Variants in DUSP4 observed in about 807,000 individuals in gnomAD.
The protein encoded by DUSP4 is dual specificity phosphatase 4, also known as dual specificity protein phosphatase 4.
DUSP4 carries 12 observed loss-of-function variants against 27.2 expected under a neutral mutation model. The ratio of observed to expected loss-of-function variants is 0.44; its 90% CI spans 0.28 to 0.71. DUSP4 has a LOEUF of 0.71. Among genes scored for constraint, DUSP4 ranks in the 30% least tolerant of loss-of-function variants. The pLI, the probability that DUSP4 is intolerant of heterozygous loss-of-function variation, is 0.14. For synonymous variants in DUSP4, 257 were observed against 245.2 expected, an observed-to-expected ratio of 1.05 and a Z score of -0.45; for missense variants, 448 against 551.3, an observed-to-expected ratio of 0.81 and a Z score of 1.88.
rs1223122428 is a variant in DUSP4, at chr8:29,334,983, A to G, written c.*2043T>C. On this transcript the variant is annotated 3_prime_UTR_variant, in exon 4 of 4. Coordinates refer to ENST00000240100, the MANE Select transcript of DUSP4 (RefSeq NM_001394.7). ...AAAGGTAACCAACCTTGTCCTGTCT[A>G]GGATGCCAGATGAGAAAGAGTATCC... 1.3e-5 allele frequency: 2 copies of G among 152,206 alleles called. No homozygotes were observed. The highest frequency in any genetic ancestry group is 2.9e-5 in the Non-Finnish European group (2 of 68,050). 9.4% of individuals were successfully genotyped at this position (152,206 alleles called of 1,614,324 possible).
At chr8:29,340,364 T>C (rs1292864868) in intron 1 of DUSP4, 121 bp from the exon 2 acceptor site, 11 of 1,302,042 alleles carry the variant, frequency 8.4e-6, no homozygotes, top group East Asian at 2.5e-5. Context: ...GTGCTCCATA[T>C]TGGCCACTAG....
At position 29,350,357 on chromosome 8, in the gene DUSP4, G is replaced by T; in HGVS notation, c.-79C>A. On this transcript the variant is annotated 5_prime_UTR_variant, in exon 1 of 4. Transcript: ENST00000240100. ...CCGCCTAGGCTGCAGAAAGGGGCGG[G>T]CGAGAGCTAAGAAGGGACGCCTGCA... is the stretch of plus-strand genomic sequence containing the variant. 6.8e-7 allele frequency: 1 copy of T among 1,468,988 alleles called. No homozygotes were observed. Among genetic ancestry groups the T allele is most frequent in the Non-Finnish European group, 9.0e-7 (1 of 1,113,300 alleles). 91.0% of individuals were successfully genotyped at this position (1,468,988 alleles called of 1,614,324 possible).
chr8:29,346,358 G>T (rs2117275485), intron 1 of DUSP4, among the ~76,000 whole-genome samples: 1 of 152,306 alleles, frequency 6.6e-6, no homozygotes, highest in East Asian at 1.9e-4. Context: ...TAGGTAGGTG[G>T]AAAGGAAGGT....
intron 1 of DUSP4, chr8:29,348,103 T>TG: frequency 1.0e-6 from 1 of 985,552 alleles, no homozygotes; most frequent in Non-Finnish European, 1.2e-6. Context: ...AGACTCCACG[T>TG]GGGGCTGGAA....
At chr8:29,348,820 A>G in intron 1 of DUSP4, 2 of 984,786 alleles carry the variant, frequency 2.0e-6, no homozygotes, top group Non-Finnish European at 2.4e-6. Flanking sequence ...CGGGCTCGGA[A>G]GCGCAGACCC....
chr8:29,333,877 A>G lies in DUSP4; in HGVS notation c.*3149T>C, dbSNP rs1187375198. 1.3e-5 allele frequency: 2 copies of G among 152,232 alleles called. No individual in the cohort carries two copies. The highest frequency in any genetic ancestry group is 2.9e-5 in the Non-Finnish European group (2 of 68,062). 9.4% of individuals were successfully genotyped at this position (152,232 alleles called of 1,614,324 possible). ...AGCCTCTTCCTGTCATGTTGGAGTC[A>G]ACTATCCTATGTCCCTCTCTCCATC... On this transcript the variant is annotated 3_prime_UTR_variant, in exon 4 of 4. Transcript: ENST00000240100.
At chr8:29,343,619 T>G (rs570222645) in intron 1 of DUSP4, among the ~76,000 whole-genome samples, 40 of 151,320 alleles carry the variant, frequency 2.6e-4, no homozygotes, top group African/African-American at 9.0e-4. Context: ...AAAACAGAAC[T>G]GATCCAAATA....
Position 29,337,316 on chromosome 8 carries a change from T to C in DUSP4, c.895A>G (p.Lys299Glu). The C allele has an allele frequency of 6.8e-6, 11 of 1,612,932 alleles. No individual in the cohort carries two copies. Among genetic ancestry groups the C allele is most frequent in the Non-Finnish European group, 9.3e-6 (11 of 1,179,984 alleles). The change falls in exon 4 of 4, where the codon AAA becomes GAA. Residue 299 changes from lysine (K) to glutamate (E), a missense_variant. Physicochemically the swap from Lys to Glu is moderately conservative, Grantham distance 56. Around this residue, in one of 3 missense-constraint regions of DUSP4, gnomAD observed 100 missense variants for 139.8 expected, o/e 0.72. Coordinates refer to ENST00000240100, the MANE Select transcript of DUSP4 (RefSeq NM_001394.7). The surrounding 1 kb of genome is among the most constrained non-coding windows in gnomAD (Gnocchi z 6.4). ...TICLAYLMMK[K>E]RVRLEEAFEF... ...AAGGCCTCCTCCAGCCTCACCCGTTTCTTCATCATCAGGTAGGCCAGGCAG... is the reference window on the plus strand; with the variant it reads ...AAGGCCTCCTCCAGCCTCACCCGTTCCTTCATCATCAGGTAGGCCAGGCAG...
At chr8:29,338,530 G>C (rs755785555) in intron 2 of DUSP4, 29 bp from the exon 3 acceptor site, 5 of 1,600,518 alleles carry the variant, frequency 3.1e-6, no homozygotes, top group Non-Finnish European at 4.3e-6. Flanking sequence ...AAAGGCCCCT[G>C]AATGACATGA....
intron 2 of DUSP4, 77 bp downstream of exon 2, chr8:29,340,021 A>G: frequency 6.7e-7 from 1 of 1,498,238 alleles, no homozygotes; most frequent in African/African-American, 1.4e-5. Context: ...ACACCGTCAG[A>G]ACTCTGAAAA....
rs2117266005 is a variant in DUSP4, at chr8:29,337,873, C to T, written c.799+409G>A. 6.6e-6 allele frequency among the ~76,000 whole-genome samples: 1 copy of T among 152,258 alleles called. No homozygotes were observed. The highest frequency in any genetic ancestry group is 1.5e-5 in the Non-Finnish European group (1 of 68,006). ...GGCTGAGGCAGGAGAATCACTTGCA[C>T]CCCAGAAGCGGAGGTTGCAGTGAGC... On this transcript the variant is annotated intron_variant, in intron 3 of 3. Transcript: ENST00000240100. The surrounding 1 kb of genome is among the most constrained non-coding windows in gnomAD (Gnocchi z 6.4).
chr8:29,347,107 G>C (rs1469057815), intron 1 of DUSP4, among the ~76,000 whole-genome samples: 1 of 152,156 alleles, frequency 6.6e-6, no homozygotes, highest in Non-Finnish European at 1.5e-5. Context: ...ACCAATTCAG[G>C]CATTTACTAA....
chr8:29,337,492 C>T lies in DUSP4; in HGVS notation c.800-81G>A, dbSNP rs7842999. ...AGGGGCACCGGCCAGCCCCTGGGGT[C>T]GGGGGGCTCTGAAGGAAGGACTAGC... On this transcript the variant is annotated intron_variant, in intron 3 of 3. Coordinates refer to ENST00000240100, the MANE Select transcript of DUSP4 (RefSeq NM_001394.7). This position sits in a 1 kb window ranked among gnomAD's most constrained non-coding sequence, Gnocchi z 6.4. 0.048 allele frequency: 72,653 copies of T among 1,505,322 alleles called. 2,151 individuals carry two copies. Among genetic ancestry groups the T allele is most frequent in the African/African-American group, 0.12 (8,893 of 71,884 alleles). The allele number at this position is 1,505,322 out of a possible 1,614,324, so 93.2% of individuals were successfully genotyped here.
In DUSP4 at chr8:29,345,453, C is replaced by T. The variant is rs1447139637; in HGVS notation, c.433+4393G>A. 7 of 1,613,808 alleles carry T rather than the reference C, an allele frequency of 4.3e-6. No individual in the cohort carries two copies. In the Admixed American group the frequency reaches 5.0e-5, roughly 12 times the overall value. ...CATGCTGGGGGCTCGAACTGGTTTG[C>T]AGTCTCTCCCAGTCCTCCTGGGCGA... On this transcript the variant is annotated intron_variant, in intron 1 of 3. Coordinates refer to ENST00000240100, the MANE Select transcript of DUSP4 (RefSeq NM_001394.7).
rs1817596591 is a variant in DUSP4 at position 29,337,481 on chromosome 8, G to C, written c.800-70C>G. On this transcript the variant is annotated intron_variant, in intron 3 of 3. Transcript: ENST00000240100. The surrounding 1 kb of genome is among the most constrained non-coding windows in gnomAD (Gnocchi z 6.4). ...CAGCCCCGACCAGGGGCACCGGCCAGCCCCTGGGGTCGGGGGGCTCTGAAG... is the reference window on the plus strand; with the variant it reads ...CAGCCCCGACCAGGGGCACCGGCCACCCCCTGGGGTCGGGGGGCTCTGAAG... The C allele has an allele frequency of 6.6e-7, 1 of 1,517,118 alleles. No homozygotes were observed. The highest frequency in any genetic ancestry group is 2.3e-5 in the East Asian group (1 of 44,176). 94.0% of individuals were successfully genotyped at this position (1,517,118 alleles called of 1,614,324 possible). A position where few individuals can be genotyped will look rare whatever the true frequency, so the allele number is the denominator to read the frequency against.
At chr8:29,339,155 C>T (rs11997840) in intron 2 of DUSP4, among the ~76,000 whole-genome samples, 28,363 of 152,142 alleles carry the variant, frequency 0.19, 3,594 homozygotes, top group East Asian at 0.58. Flanking sequence ...AGGACTCAAG[C>T]CTGGGTAACA....
chr8:29,349,149 G>A lies in DUSP4; in HGVS notation c.433+697C>T, dbSNP rs561372835. Among the ~76,000 whole-genome samples the A allele has an allele frequency of 5.9e-5, 9 of 152,364 alleles. No individual in the cohort carries two copies. The South Asian group carries it at 1.7e-3, about 28-fold the overall frequency. On this transcript the variant is annotated intron_variant, in intron 1 of 3. Transcript: ENST00000240100. ...AAAAGGTGATCATTCTCCGCTGCCC[G>A]GATTTGCAGGCGCTAGAGGACCGGT...
intron 1 of DUSP4, among the ~76,000 whole-genome samples, chr8:29,342,897 G>A (rs1469319237): frequency 1.3e-5 from 2 of 152,228 alleles, no homozygotes; most frequent in African/African-American, 2.4e-5. Flanking sequence ...GCTGGGCGCG[G>A]TGGCTCACGC....
rs3052311 is a variant in DUSP4, at chr8:29,343,167, C to CAAAAA, written c.434-2929_434-2925dup. Among the ~76,000 whole-genome samples the CAAAAA allele has an allele frequency of 6.5e-4, 56 of 86,540 alleles. 1 individual carries two copies. Among genetic ancestry groups the CAAAAA allele is most frequent in the African/African-American group, 2.3e-3 (54 of 23,526 alleles). 56.8% of individuals were successfully genotyped at this position (86,540 alleles called of 152,430 possible). On this transcript the variant is annotated intron_variant, in intron 1 of 3. Coordinates refer to ENST00000240100, the MANE Select transcript of DUSP4 (RefSeq NM_001394.7). ...TGGGCGTCAGAGCGAGACTCCATCT[C>CAAAAA]AAAAAAAAAAAAAAAAAAAGGAACA...
Sources: allele counts gnomAD v4.1 joint callset (sites outside exome capture counted in the v4.1 genomes callset), GRCh38; gene constraint gnomAD v4.1.1; regional missense constraint gnomAD v4.1.1; non-coding constraint Gnocchi (gnomAD v3.1); transcripts MANE v1.5; gene names NCBI Gene and HGNC (gene_info 2026-07-23, HGNC 2026-07-21).